The following TOR1AIP1 variants were observed in gnomAD, a reference collection of about 807,000 sequenced individuals.
The protein encoded by TOR1AIP1 is torsin 1A interacting protein 1.
In TOR1AIP1, 54 loss-of-function variants were observed where a neutral mutation model predicts 63.3. The observed-to-expected ratio is 0.85, with a 90% CI of 0.69 to 1.07. TOR1AIP1 has a LOEUF of 1.07. TOR1AIP1 is among the 50% of genes least tolerant of loss of function. TOR1AIP1 has a pLI of 0.00. For synonymous variants in TOR1AIP1, 294 were observed against 273.5 expected (o/e 1.07, Z -0.74); for missense variants, 736 against 715.0 (o/e 1.03, Z -0.33).
intron 7 of TOR1AIP1, among the ~76,000 whole-genome samples, chr1:179,908,206 C>A (rs528904740): frequency 6.6e-6 from 1 of 152,226 alleles, no homozygotes; most frequent in African/African-American, 2.4e-5. Context: ...CCGCACCCAG[C>A]CTCAGTCAAT....
At chr1:179,886,773 G>C (rs1045840872) in intron 2 of TOR1AIP1, among the ~76,000 whole-genome samples, 3 of 152,192 alleles carry the variant, frequency 2.0e-5, no homozygotes, top group Admixed American at 2.0e-4. Flanking sequence ...GAGTATGTCT[G>C]TCTTTGAGAG....
chr1:179,907,621 A>ATATATATATATATG (rs1648688030), intron 6 of TOR1AIP1, among the ~76,000 whole-genome samples: 1 of 22,986 alleles, frequency 4.4e-5, no homozygotes, highest in African/African-American at 1.0e-4. Flanking sequence ...ATATATATGT[A>ATATATATATATATG]TATATATGTA....
intron 6 of TOR1AIP1, chr1:179,904,866 C>G (rs1262003750): frequency 6.6e-6 from 1 of 152,188 alleles, no homozygotes; most frequent in Non-Finnish European, 1.5e-5. Context: ...CACAAGCATT[C>G]CTCCCACATC....
chr1:179,892,429 C>T lies in TOR1AIP1; in HGVS notation c.610+3060C>T, dbSNP rs146913690. Among the ~76,000 whole-genome samples, 1,458 of 151,998 alleles carry T rather than the reference C, an allele frequency of 9.6e-3. 24 individuals are homozygous for T. Among genetic ancestry groups the T allele is most frequent in the African/African-American group, 0.032 (1,312 of 41,422 alleles). On this transcript the variant is annotated intron_variant, in intron 3 of 9. Coordinates refer to ENST00000606911, the MANE Select transcript of TOR1AIP1 (RefSeq NM_015602.4). The stretch of plus-strand genomic sequence containing the variant: ...CAGAGGTTGCAGTGAGCCGCAATCA[C>T]GCCATTGCACTCCAGCCTGGGCAAA...
chr1:179,882,569 GC>G lies in TOR1AIP1; in HGVS notation c.72del (p.Ile25SerfsTer33). The stretch of plus-strand genomic sequence containing the variant: ...ATGGGGTGTGTACGTCACCCCCAGG[GC>G]CCCCATCCGAGAGGGAAGGGGCCGG... ...EGWGVYVTPR[A>X]PIREGRGRLA... On this transcript the variant is annotated frameshift_variant, in exon 1 of 10. Coordinates refer to ENST00000606911, the MANE Select transcript of TOR1AIP1 (RefSeq NM_015602.4). LOFTEE classifies it high-confidence loss of function. 6.6e-7 allele frequency: 1 copy of G among 1,514,740 alleles called. No homozygotes were observed. Among genetic ancestry groups the G allele is most frequent in the Non-Finnish European group, 8.8e-7 (1 of 1,135,358 alleles). The allele number at this position is 1,514,740 out of a possible 1,614,324, so 93.8% of individuals were successfully genotyped here. A position where few individuals can be genotyped will look rare whatever the true frequency, so the allele number is the denominator to read the frequency against.
intron 1 of TOR1AIP1, chr1:179,883,878 A>T (rs1571720245): frequency 3.1e-6 from 1 of 318,934 alleles, no homozygotes; most frequent in East Asian, 7.9e-5. Context: ...TTTCATGTTA[A>T]TCCCATGTAA....
In TOR1AIP1 at chr1:179,904,396, CTG is replaced by C. The variant is rs1337753690; in HGVS notation, c.796+376_796+377del. Reference sequence around the variant, plus strand: ...ATTTTATATTAGTACAATTTCAACTCTGTTGTAAAAGTTTGGAAGGATGAATA... The same window carrying C: ...ATTTTATATTAGTACAATTTCAACTCTTGTAAAAGTTTGGAAGGATGAATA... On this transcript the variant is annotated intron_variant, in intron 6 of 9. Coordinates refer to ENST00000606911, the MANE Select transcript of TOR1AIP1 (RefSeq NM_015602.4). 3.3e-5 allele frequency among the ~76,000 whole-genome samples: 5 copies of C among 152,280 alleles called. 1 individual carries two copies. The East Asian group carries it at 5.8e-4, about 18-fold the overall frequency.
chr1:179,902,534 T>G (rs1648501647), intron 5 of TOR1AIP1, among the ~76,000 whole-genome samples: 1 of 152,174 alleles, frequency 6.6e-6, no homozygotes, highest in South Asian at 2.1e-4. Flanking sequence ...ATTATAGGTG[T>G]GGGCCACCGT....
rs1414202884 is a variant in TOR1AIP1, at chr1:179,919,949, C to T, written c.*1710C>T. The T allele has an allele frequency of 6.6e-6, 1 of 151,848 alleles. No individual in the cohort carries two copies. The highest frequency in any genetic ancestry group is 1.5e-5 in the Non-Finnish European group (1 of 67,944). 9.4% of individuals were successfully genotyped at this position (151,848 alleles called of 1,614,324 possible). ...TGTTTTTATTAAATGTTTCATTGAC[C>T]CAAGTAATTTAAAAGTAATATGTTA... On this transcript the variant is annotated 3_prime_UTR_variant, in exon 10 of 10. Coordinates refer to ENST00000606911, the MANE Select transcript of TOR1AIP1 (RefSeq NM_015602.4).
intron 3 of TOR1AIP1, among the ~76,000 whole-genome samples, chr1:179,898,915 A>T (rs1648364978): frequency 6.6e-6 from 1 of 151,954 alleles, no homozygotes; most frequent in Non-Finnish European, 1.5e-5. Flanking sequence ...TTTTTTTTAA[A>T]TAAAAAAATG....
At chr1:179,895,527 G>A (rs776879178) in intron 3 of TOR1AIP1, among the ~76,000 whole-genome samples, 10 of 152,176 alleles carry the variant, frequency 6.6e-5, no homozygotes, top group Non-Finnish European at 8.8e-5. Flanking sequence ...AGGATCACTT[G>A]AACCCAAGAC....
rs571658529 is a variant in TOR1AIP1, at chr1:179,909,827, A to G, written c.907+1154A>G. Among the ~76,000 whole-genome samples the G allele has an allele frequency of 2.5e-3, 377 of 152,172 alleles. 3 individuals are homozygous for G. Among genetic ancestry groups the G allele is most frequent in the African/African-American group, 8.8e-3 (364 of 41,506 alleles). On this transcript the variant is annotated intron_variant, in intron 8 of 9. Transcript: ENST00000606911. ...GCCCAGGTTGGAGTGCAGTGGCACAATCTCAGCTCACTGCAGCCTCCGCCT... is the reference window on the plus strand; with the variant it reads ...GCCCAGGTTGGAGTGCAGTGGCACAGTCTCAGCTCACTGCAGCCTCCGCCT...
chr1:179,899,059 C>T (rs754616988), intron 3 of TOR1AIP1, among the ~76,000 whole-genome samples: 3 of 151,974 alleles, frequency 2.0e-5, no homozygotes, highest in East Asian at 1.9e-4. Context: ...TCAAATTCAC[C>T]GTATAATGTG....
chr1:179,913,670 T>C, intron 8 of TOR1AIP1: 1 of 702,074 alleles, frequency 1.4e-6, no homozygotes, highest in South Asian at 1.5e-5. Flanking sequence ...GCTTAGTTTC[T>C]TTGTCCTTTT....
intron 3 of TOR1AIP1, among the ~76,000 whole-genome samples, chr1:179,893,356 C>G (rs963428172): frequency 6.6e-6 from 1 of 152,140 alleles, no homozygotes; most frequent in Non-Finnish European, 1.5e-5. Context: ...AGCTTGAATA[C>G]TAGTGATACC....
chr1:179,918,324 TGAAA>T lies in TOR1AIP1; in HGVS notation c.*89_*92del. On this transcript the variant is annotated 3_prime_UTR_variant, in exon 10 of 10. Coordinates refer to ENST00000606911, the MANE Select transcript of TOR1AIP1 (RefSeq NM_015602.4). Reference sequence around the variant, plus strand: ...CAGAGACAGAATTCAGAGCTCTTTTTGAAAGAACTAGTTTCTTTTTAAAGAAGTT... The same window carrying T: ...CAGAGACAGAATTCAGAGCTCTTTTTGAACTAGTTTCTTTTTAAAGAAGTT... 2 of 1,320,342 alleles carry T rather than the reference TGAAA, an allele frequency of 1.5e-6. No homozygotes were observed. The highest frequency in any genetic ancestry group is 2.0e-6 in the Non-Finnish European group (2 of 981,100). The allele number at this position is 1,320,342 out of a possible 1,614,324, so 81.8% of individuals were successfully genotyped here.
rs771019244 is a variant in TOR1AIP1 at position 179,901,249 on chromosome 1, A to T, written c.653-53A>T. ...ATTTGCTTGGTTTTTTTAAATTCAG[A>T]TCTTCTGAGCATTAAAATAGACTAT... On this transcript the variant is annotated intron_variant, in intron 4 of 9. Transcript: ENST00000606911. 11 of 1,209,264 alleles carry T rather than the reference A, an allele frequency of 9.1e-6. No individual in the cohort carries two copies. In the South Asian group the frequency reaches 1.9e-4, roughly 21 times the overall value. 74.9% of individuals were successfully genotyped at this position (1,209,264 alleles called of 1,614,324 possible).
rs1649090984 is a variant in TOR1AIP1, at chr1:179,918,356, G to A, written c.*117G>A. 22 of 920,368 alleles carry A rather than the reference G, an allele frequency of 2.4e-5. No individual in the cohort carries two copies. Among genetic ancestry groups the A allele is most frequent in the Non-Finnish European group, 3.3e-5 (21 of 629,468 alleles). The allele number at this position is 920,368 out of a possible 1,614,324, so 57.0% of individuals were successfully genotyped here. On this transcript the variant is annotated 3_prime_UTR_variant, in exon 10 of 10. Transcript: ENST00000606911. ...ACTAGTTTCTTTTTAAAGAAGTTAA[G>A]TGCTTACATAAACATGGAACATATA... is the stretch of plus-strand genomic sequence containing the variant.
intron 6 of TOR1AIP1, among the ~76,000 whole-genome samples, chr1:179,904,977 G>C (rs1021868517): frequency 6.6e-6 from 1 of 152,062 alleles, no homozygotes; most frequent in Admixed American, 6.6e-5. Flanking sequence ...TTTAAATCAA[G>C]TCTCCCAAAA....
Sources: gnomAD v4.1 joint callset for allele counts (sites outside exome capture counted in the v4.1 genomes callset) on GRCh38, gnomAD v4.1.1 for gene constraint, MANE v1.5 for transcripts, NCBI Gene and HGNC (gene_info 2026-07-23, HGNC 2026-07-21) for gene names.